The following RASA2 variants were observed in gnomAD, a reference collection of about 807,000 sequenced individuals.
RASA2 encodes ras GTPase-activating protein 2.
In RASA2, 155 loss-of-function variants were observed where a neutral mutation model predicts 118.2. That is an observed-to-expected ratio of 1.31 (90% CI 1.15 to 1.50). RASA2 has a LOEUF of 1.50. Ranked by LOEUF, RASA2 falls within the 40% of genes most tolerant of loss-of-function variation. The probability of loss-of-function intolerance (pLI) is 0.00; values close to 1 mark genes in which losing one functional copy is unlikely to be tolerated. For missense variants in RASA2, 1,016 were observed against 1,009.6 expected, an observed-to-expected ratio of 1.01 and a Z score of -0.09; for synonymous variants, 353 against 349.1, an observed-to-expected ratio of 1.01 and a Z score of -0.12.
Position 141,487,220 on chromosome 3 carries a change from A to G in RASA2, c.133+4A>G. ...CAGAGCCTGCGGGGCAAGATCTGTAAGCGGGGGCTGGGCTGAGGGGACGCC... is the reference window on the plus strand; with the variant it reads ...CAGAGCCTGCGGGGCAAGATCTGTAGGCGGGGGCTGGGCTGAGGGGACGCC... On this transcript the variant is annotated splice_donor_region_variant and intron_variant, in intron 1 of 23. Coordinates refer to ENST00000286364, the MANE Select transcript of RASA2 (RefSeq NM_006506.5). The G allele has an allele frequency of 1.4e-6, 2 of 1,408,190 alleles. No homozygotes were observed. Among genetic ancestry groups the G allele is most frequent in the South Asian group, 1.6e-5 (1 of 64,510 alleles). The allele number at this position is 1,408,190 out of a possible 1,614,324, so 87.2% of individuals were successfully genotyped here. A position where few individuals can be genotyped will look rare whatever the true frequency, so the allele number is the denominator to read the frequency against.
At chr3:141,510,436 C>A (rs1044796014) in intron 1 of RASA2, among the ~76,000 whole-genome samples, 2 of 152,150 alleles carry the variant, frequency 1.3e-5, no homozygotes, top group Admixed American at 1.3e-4. Flanking sequence ...TCTCAGCTGT[C>A]TACCGTATGA....
intron 19 of RASA2, among the ~76,000 whole-genome samples, chr3:141,595,619 T>C (rs576879303): frequency 6.0e-4 from 92 of 152,226 alleles, no homozygotes; most frequent in South Asian, 1.0e-3. Context: ...TTTTTTTTCT[T>C]TTTTTCTTTT....
At chr3:141,591,174 T>C (rs2083280363) in intron 19 of RASA2, among the ~76,000 whole-genome samples, 1 of 152,268 alleles carries the variant, frequency 6.6e-6, no homozygotes, top group Non-Finnish European at 1.5e-5. Flanking sequence ...TCTTTTGCAG[T>C]ATCCATATGT....
At chr3:141,593,338 C>G (rs147468971) in intron 19 of RASA2, among the ~76,000 whole-genome samples, 1 of 152,084 alleles carries the variant, frequency 6.6e-6, no homozygotes, top group Non-Finnish European at 1.5e-5. Flanking sequence ...TGAGCCACTG[C>G]GCCCGGCCTA....
chr3:141,528,759 T>G (rs1053434878), intron 3 of RASA2, among the ~76,000 whole-genome samples: 2 of 151,946 alleles, frequency 1.3e-5, no homozygotes, highest in African/African-American at 4.8e-5. Flanking sequence ...AAAAATTTCT[T>G]TACAATTTTC....
chr3:141,589,844 A>C (rs1383624770), intron 19 of RASA2, among the ~76,000 whole-genome samples: 2 of 151,994 alleles, frequency 1.3e-5, no homozygotes, highest in East Asian at 3.9e-4. Flanking sequence ...CTGTCTCCAA[A>C]AAAAAAAGAA....
intron 1 of RASA2, among the ~76,000 whole-genome samples, chr3:141,497,986 TGTG>T (rs1256053388): frequency 2.6e-5 from 4 of 152,168 alleles, no homozygotes; most frequent in South Asian, 2.1e-4. Flanking sequence ...TTCAGAGAAA[TGTG>T]GTAAAAAGGG....
chr3:141,614,701 T>C lies in RASA2; in HGVS notation c.*2388T>C, dbSNP rs538595088. 3.3e-5 allele frequency: 5 copies of C among 152,360 alleles called. No individual in the cohort carries two copies. Among genetic ancestry groups the C allele is most frequent in the African/African-American group, 1.2e-4 (5 of 41,602 alleles). 9.4% of individuals were successfully genotyped at this position (152,360 alleles called of 1,614,324 possible). ...ATCTGTTGCTTGTTTCGTTGTTGTT[T>C]TGTTTTTGTGTAGCTTTGTTTTTTA... is the stretch of plus-strand genomic sequence containing the variant. On this transcript the variant is annotated 3_prime_UTR_variant, in exon 24 of 24. Transcript: ENST00000286364.
In RASA2 at chr3:141,609,456, A is replaced by G; in HGVS notation, c.2262A>G (p.Glu754=). The change falls in exon 22 of 24, where the codon GAA becomes GAG. Residue 754 remains glutamate (E), a synonymous_variant. Transcript: ENST00000286364. Reference sequence around the variant, plus strand: ...CAGACATCCAAATAGATATTGATGAAGACAGAGAAACAGAAAGAATTTATT... The same window carrying G: ...CAGACATCCAAATAGATATTGATGAGGACAGAGAAACAGAAAGAATTTATT... ...VPADIQIDID[E]DRETERIYSL... The G allele has an allele frequency of 6.2e-7, 1 of 1,605,072 alleles. No homozygotes were observed. Among genetic ancestry groups the G allele is most frequent in the Non-Finnish European group, 8.5e-7 (1 of 1,173,656 alleles).
intron 15 of RASA2, among the ~76,000 whole-genome samples, chr3:141,579,268 T>A (rs536431633): frequency 1.3e-5 from 2 of 152,290 alleles, no homozygotes; most frequent in South Asian, 4.1e-4. Context: ...TGATAGAAAC[T>A]TACACAAATG....
intron 5 of RASA2, among the ~76,000 whole-genome samples, chr3:141,545,527 C>T (rs11711318): frequency 0.25 from 36,703 of 146,274 alleles, 5,185 homozygotes; most frequent in Non-Finnish European, 0.32. Context: ...TGCAGTGACA[C>T]GACCTCCACC....
rs142433273 is a variant in RASA2, at chr3:141,593,770, G to T, written c.1933+7018G>T. 1.3e-3 allele frequency among the ~76,000 whole-genome samples: 191 copies of T among 152,196 alleles called. 6 individuals are homozygous for T. In the East Asian group the frequency reaches 0.032, roughly 25 times the overall value. On this transcript the variant is annotated intron_variant, in intron 19 of 23. Transcript: ENST00000286364. ...AGTAAAGACTATATTCTAGGATTAAGAATAAACAAAGTATAGTATAAACAA... is the reference window on the plus strand; with the variant it reads ...AGTAAAGACTATATTCTAGGATTAATAATAAACAAAGTATAGTATAAACAA...
chr3:141,518,311 T>A (rs1270194300), intron 3 of RASA2, among the ~76,000 whole-genome samples: 1 of 150,866 alleles, frequency 6.6e-6, no homozygotes, highest in Non-Finnish European at 1.5e-5. Flanking sequence ...GTGGTGAAAC[T>A]GTCTCTACTA....
intron 9 of RASA2, among the ~76,000 whole-genome samples, chr3:141,570,129 T>G (rs1366337962): frequency 2.0e-5 from 3 of 150,720 alleles, no homozygotes; most frequent in African/African-American, 7.4e-5. Flanking sequence ...CTGGTTTTGG[T>G]CCTGCAAATT....
At position 141,591,859 on chromosome 3, in the gene RASA2, T is replaced by G. The variant is rs114753284; in HGVS notation, c.1933+5107T>G. Reference sequence around the variant, plus strand: ...TTGACACGGTTTTCACCTACCTGTATTTTCACATACAGGGCTCTGCAGCTT... The same window carrying G: ...TTGACACGGTTTTCACCTACCTGTAGTTTCACATACAGGGCTCTGCAGCTT... On this transcript the variant is annotated intron_variant, in intron 19 of 23. Coordinates refer to ENST00000286364, the MANE Select transcript of RASA2 (RefSeq NM_006506.5). Among the ~76,000 whole-genome samples, 1,342 of 152,024 alleles carry G rather than the reference T, an allele frequency of 8.8e-3. 28 individuals carry two copies. The highest frequency in any genetic ancestry group is 0.031 in the African/African-American group (1,297 of 41,460).
intron 23 of RASA2, among the ~76,000 whole-genome samples, chr3:141,610,425 T>TA (rs1233961462): frequency 1.3e-5 from 1 of 79,086 alleles, no homozygotes; most frequent in African/African-American, 5.4e-5. Context: ...TATTTATATA[T>TA]TATATATTTA....
intron 8 of RASA2, among the ~76,000 whole-genome samples, chr3:141,559,579 T>C (rs374064532): frequency 4.6e-5 from 7 of 152,120 alleles, no homozygotes; most frequent in African/African-American, 1.4e-4. Flanking sequence ...AGAGAGAAAC[T>C]GTAGTCTTAT....
chr3:141,570,870 A>G, intron 9 of RASA2, 42 bp from the exon 10 acceptor site: 1 of 1,554,926 alleles, frequency 6.4e-7, no homozygotes, highest in Non-Finnish European at 8.7e-7. Context: ...ATTGGCTTGA[A>G]TGCATTTCCA....
chr3:141,562,971 C>T (rs932615797), intron 9 of RASA2, among the ~76,000 whole-genome samples: 2 of 152,118 alleles, frequency 1.3e-5, no homozygotes, highest in South Asian at 2.1e-4. Context: ...GCACCTGGCC[C>T]ACGTTCAGTT....
Sources: gnomAD v4.1 joint callset for allele counts (sites outside exome capture counted in the v4.1 genomes callset) on GRCh38, gnomAD v4.1.1 for gene constraint, MANE v1.5 for transcripts, NCBI Gene and HGNC (gene_info 2026-07-23, HGNC 2026-07-21) for gene names.